Variants in SLC6A9 observed in about 807,000 individuals in gnomAD.
SLC6A9 encodes the protein solute carrier family 6 member 9, also known as sodium- and chloride-dependent glycine transporter 1.
SLC6A9 carries 31 observed loss-of-function variants against 70.9 expected under a neutral mutation model. That is an observed-to-expected ratio of 0.44 (90% confidence interval 0.33 to 0.59). SLC6A9 has a LOEUF of 0.59. Among genes scored for constraint, SLC6A9 ranks in the 20% least tolerant of loss-of-function variants. SLC6A9 has a pLI of 0.04. For missense variants in SLC6A9, 631 were observed against 845.2 expected, an observed-to-expected ratio of 0.75 and a Z score of 3.14; for synonymous variants, 310 against 341.3, an observed-to-expected ratio of 0.91 and a Z score of 1.01.
In SLC6A9 at chr1:43,998,986, G is replaced by GGC. The variant is rs936842719; in HGVS notation, c.1537-962_1537-961insGC. 4.6e-5 allele frequency among the ~76,000 whole-genome samples: 7 copies of GGC among 151,496 alleles called. No individual in the cohort carries two copies. In the South Asian group the frequency reaches 6.3e-4, roughly 14 times the overall value. On this transcript the variant is annotated intron_variant, in intron 12 of 13. Transcript: ENST00000372310. ...CCCAGAGGGCCTGGCGGGGGAAGGG[G>GGC]GGGGGCAGTCCCAGCACCCTCCTCC...
chr1:44,028,976 G>A (rs565683981), intron 1 of SLC6A9, among the ~76,000 whole-genome samples: 3 of 152,256 alleles, frequency 2.0e-5, no homozygotes, highest in African/African-American at 7.2e-5. Flanking sequence ...GGGATAAGAA[G>A]GAGTCTCTGG....
chr1:44,009,320 C>T (rs535289915), intron 4 of SLC6A9, among the ~76,000 whole-genome samples: 2 of 151,532 alleles, frequency 1.3e-5, no homozygotes, highest in Non-Finnish European at 2.9e-5. Flanking sequence ...CCCGGGTTCA[C>T]GCCATTCTCC....
chr1:44,017,368 A>AACACACACACACACACACACAC, intron 2 of SLC6A9: 1 of 778,466 alleles, frequency 1.3e-6, no homozygotes, highest in Admixed American at 5.4e-5. Flanking sequence ...TAACTGGAAC[A>AACACACACACACACACACACAC]ACACACACAC....
intron 1 of SLC6A9, among the ~76,000 whole-genome samples, chr1:44,028,692 T>C (rs1323743441): frequency 5.3e-5 from 8 of 151,384 alleles, no homozygotes; most frequent in African/African-American, 2.4e-5. Flanking sequence ...GAGACAGAGG[T>C]TGCAGTGAGT....
At chr1:44,008,856 A>ACTACAG in intron 4 of SLC6A9, among the ~76,000 whole-genome samples, 1 of 150,934 alleles carries the variant, frequency 6.6e-6, no homozygotes, top group East Asian at 2.0e-4. Flanking sequence ...AGTAGCTGGG[A>ACTACAG]CTACAGGCGC....
intron 5 of SLC6A9, among the ~76,000 whole-genome samples, chr1:44,005,516 G>A (rs1481691248): frequency 2.0e-5 from 3 of 152,094 alleles, no homozygotes; most frequent in Non-Finnish European, 4.4e-5. Context: ...GTGAGATCGC[G>A]CAGCTGTCCA....
At chr1:44,024,573 G>A (rs2086947798) in intron 1 of SLC6A9, among the ~76,000 whole-genome samples, 1 of 152,226 alleles carries the variant, frequency 6.6e-6, no homozygotes, top group Non-Finnish European at 1.5e-5. Flanking sequence ...CAGGCTTCCT[G>A]TCCCAATGGG....
At chr1:44,009,039 T>C (rs1460252386) in intron 4 of SLC6A9, among the ~76,000 whole-genome samples, 1 of 145,584 alleles carries the variant, frequency 6.9e-6, no homozygotes, top group East Asian at 2.0e-4. Flanking sequence ...TTTTTTTTTT[T>C]TTTGAGACGG....
chr1:44,024,978 C>T (rs1231185548), intron 1 of SLC6A9, among the ~76,000 whole-genome samples: 1 of 152,246 alleles, frequency 6.6e-6, no homozygotes, highest in Non-Finnish European at 1.5e-5. Flanking sequence ...CTCTTCTCTG[C>T]AGCCTTTTCT....
At position 44,002,212 on chromosome 1, in the gene SLC6A9, G is replaced by T. The variant is rs572955898; in HGVS notation, c.962+101C>A. ...TATTCCCAGAACCTCAAGATCATGA[G>T]GGGAAAGGAGGCCTCGTGGGCCCAT... On this transcript the variant is annotated intron_variant, in intron 8 of 13. Coordinates refer to ENST00000372310, the MANE Select transcript of SLC6A9 (RefSeq NM_001024845.3). This position sits in a 1 kb window ranked among gnomAD's most constrained non-coding sequence, Gnocchi z 5.5. 3.0e-4 allele frequency: 233 copies of T among 788,480 alleles called. 2 individuals are homozygous for T. The South Asian group carries it at 3.2e-3, about 11-fold the overall frequency. The allele number at this position is 788,480 out of a possible 1,614,324, so 48.8% of individuals were successfully genotyped here.
chr1:44,017,393 A>T, intron 2 of SLC6A9: 1 of 1,226,464 alleles, frequency 8.2e-7, no homozygotes, highest in Non-Finnish European at 1.0e-6. Flanking sequence ...ACACACACAC[A>T]CACACACACA....
chr1:44,024,226 G>A (rs2086940502), intron 2 of SLC6A9, 22 bp downstream of exon 2: 6 of 1,612,886 alleles, frequency 3.7e-6, no homozygotes, highest in East Asian at 4.5e-5. Flanking sequence ...GTTCCTTCCC[G>A]CAGTCTGGCC....
At chr1:44,024,199 C>T in intron 2 of SLC6A9, 49 bp downstream of exon 2, 4 of 1,591,110 alleles carry the variant, frequency 2.5e-6, no homozygotes, top group Non-Finnish European at 3.5e-6. Context: ...GTCCTGGGGG[C>T]AGGGCTTGGG....
intron 12 of SLC6A9, among the ~76,000 whole-genome samples, chr1:44,000,252 T>C (rs1182577719): frequency 6.6e-6 from 1 of 152,200 alleles, no homozygotes; most frequent in African/African-American, 2.4e-5. Flanking sequence ...CTGTTGAATA[T>C]TCATAAAACC....
At position 44,002,584 on chromosome 1, in the gene SLC6A9, C is replaced by T; in HGVS notation, c.786G>A (p.Val262=). Residue 262 remains valine, a synonymous_variant, in exon 7 of 14, where the codon GTG becomes GTA. Coordinates refer to ENST00000372310, the MANE Select transcript of SLC6A9 (RefSeq NM_001024845.3). This position sits in a 1 kb window ranked among gnomAD's most constrained non-coding sequence, Gnocchi z 5.5. ...TGCCGTCAAAGGCTCCCTCCAGGGT[C>T]ACTCCGCGGACAAACAGAATGGTCA... ...VVLTILFVRG[V]TLEGAFDGIM... 1.2e-6 allele frequency: 2 copies of T among 1,614,114 alleles called. No homozygotes were observed. Among genetic ancestry groups the T allele is most frequent in the Non-Finnish European group, 1.7e-6 (2 of 1,179,994 alleles).
chr1:44,011,804 G>A, intron 2 of SLC6A9: 3 of 1,415,112 alleles, frequency 2.1e-6, no homozygotes, highest in Non-Finnish European at 2.9e-6. Flanking sequence ...GCAGGACTGA[G>A]CTGGTGGCCT....
intron 5 of SLC6A9, among the ~76,000 whole-genome samples, chr1:44,005,854 C>T (rs2086288402): frequency 6.6e-6 from 1 of 152,240 alleles, no homozygotes; most frequent in Non-Finnish European, 1.5e-5. Context: ...AGCCGTGCTG[C>T]CGGGAAGGTA....
In SLC6A9 at chr1:43,997,936, G is replaced by A; in HGVS notation, c.1626C>T (p.Leu542=). 1 of 1,614,162 alleles carries A rather than the reference G, an allele frequency of 6.2e-7. No homozygotes were observed. Among genetic ancestry groups the A allele is most frequent in the Non-Finnish European group, 8.5e-7 (1 of 1,180,002 alleles). The change falls in exon 13 of 14, where the codon CTC becomes CTT. Residue 542 remains leucine, a synonymous_variant. Transcript: ENST00000372310. The surrounding 1 kb of genome is among the most constrained non-coding windows in gnomAD (Gnocchi z 4.4). ...YPGWAVAIGF[L]MALSSVLCIP... is the part of the protein sequence containing the mutation. ...TGCAGAGGACGGAGGACAGAGCCAT[G>A]AGGAAGCCAATGGCCACGGCCCAGC... is the stretch of plus-strand genomic sequence containing the variant.
rs572007787 is a variant in SLC6A9 at position 44,013,418 on chromosome 1, C to T, written c.31-2536G>A. On this transcript the variant is annotated intron_variant, in intron 2 of 13. Transcript: ENST00000372310. This position sits in a 1 kb window ranked among gnomAD's most constrained non-coding sequence, Gnocchi z 5.3. ...AGCCCTCAAGAGCCAGCCACTGCTC[C>T]GTTAATGAGCCGTGTGCTAACCAGC... 1.3e-5 allele frequency among the ~76,000 whole-genome samples: 2 copies of T among 152,344 alleles called. No homozygotes were observed. The highest frequency in any genetic ancestry group is 2.4e-5 in the African/African-American group (1 of 41,580).
Sources: gnomAD v4.1 joint callset for allele counts (sites outside exome capture counted in the v4.1 genomes callset) on GRCh38, gnomAD v4.1.1 for gene constraint, Gnocchi (gnomAD v3.1) non-coding constraint, MANE v1.5 for transcripts, NCBI Gene and HGNC (gene_info 2026-07-23, HGNC 2026-07-21) for gene names.